PRIM2: variants seen among roughly 807,000 people sequenced by gnomAD.
The protein encoded by PRIM2 is DNA primase large subunit.
A neutral mutation model predicts 67.3 loss-of-function variants in PRIM2; 39 were observed. That is an observed-to-expected ratio of 0.58 (90% CI 0.45 to 0.76). PRIM2 has a LOEUF of 0.76. Ranked by LOEUF, PRIM2 falls within the 30% of genes least tolerant of loss-of-function variation. The pLI is 0.00. For synonymous variants in PRIM2, 143 were observed against 198.7 expected (o/e 0.72, Z 2.36); for missense variants, 398 against 598.7 (o/e 0.66, Z 3.50).
At chr6:57,360,927 G>A (rs1407058023) in intron 5 of PRIM2, among the ~76,000 whole-genome samples, 1 of 152,154 alleles carries the variant, frequency 6.6e-6, no homozygotes, top group African/African-American at 2.4e-5. Context: ...TAAAATGAAT[G>A]AACTGAGTGT....
chr6:57,241,076 T>A, the PRIM2 span, among the ~76,000 whole-genome samples: 9 of 151,450 alleles, frequency 5.9e-5, no homozygotes, highest in Non-Finnish European at 1.0e-4. Flanking sequence ...ATACAAAAAA[T>A]TAGCTGGCAT....
chr6:57,392,445 TATTAATCC>T (rs1770382917), intron 7 of PRIM2, among the ~76,000 whole-genome samples: 1 of 152,122 alleles, frequency 6.6e-6, no homozygotes, highest in Non-Finnish European at 1.5e-5. Context: ...ATTTATAGTT[TATTAATCC>T]ATCTGATTCT....
intron 7 of PRIM2, among the ~76,000 whole-genome samples, chr6:57,454,676 T>A (rs1269730681): frequency 3.3e-5 from 5 of 152,294 alleles, no homozygotes; most frequent in South Asian, 2.1e-4. Flanking sequence ...CTTCTCTCTT[T>A]TCTTCTTTAT....
rs1264401843 is a variant in PRIM2 at position 57,559,623 on chromosome 6, GT to G, written c.1020+21999del. On this transcript the variant is annotated intron_variant, in intron 10 of 13. Coordinates refer to ENST00000615550, the MANE Select transcript of PRIM2 (RefSeq NM_000947.5). The stretch of plus-strand genomic sequence containing the variant: ...TAGATCCTAGACAACATAGATGTAG[GT>G]ATTTAACATCGCTAAGGTGGTACTG... Among the ~76,000 whole-genome samples, 585 of 152,222 alleles carry G rather than the reference GT, an allele frequency of 3.8e-3. 1 individual carries two copies. Among genetic ancestry groups the G allele is most frequent in the Admixed American group, 6.1e-3 (94 of 15,288 alleles).
intron 10 of PRIM2, among the ~76,000 whole-genome samples, chr6:57,578,113 G>T (rs1192905246): frequency 1.3e-5 from 2 of 152,114 alleles, no homozygotes; most frequent in Non-Finnish European, 2.9e-5. Context: ...TTAGATTGAG[G>T]TCATGCATTT....
intron 7 of PRIM2, among the ~76,000 whole-genome samples, chr6:57,472,687 G>A: frequency 6.6e-6 from 1 of 152,236 alleles, no homozygotes; most frequent in Non-Finnish European, 1.5e-5. Flanking sequence ...ATGAAATCTT[G>A]GAATGTTCAT....
the PRIM2 span, among the ~76,000 whole-genome samples, chr6:57,271,153 A>G: frequency 2.6e-5 from 4 of 152,176 alleles, no homozygotes; most frequent in Non-Finnish European, 5.9e-5. Context: ...AAAATGAGTT[A>G]GGGAGGATTC....
In PRIM2 at chr6:57,535,718, A is replaced by T. The variant is rs1267116997; in HGVS notation, c.835-1722A>T. Among the ~76,000 whole-genome samples the T allele has an allele frequency of 4.6e-5, 7 of 152,094 alleles. No individual in the cohort carries two copies. In the East Asian group the frequency reaches 1.3e-3, roughly 29 times the overall value. ...TGTCTCTACTACAAATACCAAAATC[A>T]GCTGGGCATGTTGGCAGGCACCTGT... On this transcript the variant is annotated intron_variant, in intron 9 of 13. Coordinates refer to ENST00000615550, the MANE Select transcript of PRIM2 (RefSeq NM_000947.5).
chr6:57,273,455 T>G, the PRIM2 span, among the ~76,000 whole-genome samples: 1 of 152,248 alleles, frequency 6.6e-6, no homozygotes, highest in Non-Finnish European at 1.5e-5. Flanking sequence ...ACATAGTTCT[T>G]GTGCCTTGGT....
chr6:57,562,372 C>T (rs1320940151), intron 10 of PRIM2, among the ~76,000 whole-genome samples: 4 of 152,066 alleles, frequency 2.6e-5, no homozygotes, highest in African/African-American at 4.8e-5. Context: ...ATGAAATGGG[C>T]ACAATAAGAT....
chr6:57,448,422 C>T (rs1363220224), intron 7 of PRIM2, among the ~76,000 whole-genome samples: 1 of 152,180 alleles, frequency 6.6e-6, no homozygotes, highest in East Asian at 1.9e-4. Flanking sequence ...CTCTGTAATA[C>T]ATTTTAAAGA....
chr6:57,414,930 A>G (rs1771207938), intron 7 of PRIM2, among the ~76,000 whole-genome samples: 1 of 152,148 alleles, frequency 6.6e-6, no homozygotes, highest in African/African-American at 2.4e-5. Context: ...AGTATTTTTC[A>G]AGTAATTAAA....
chr6:57,456,776 CT>C (rs1554341866), intron 7 of PRIM2, among the ~76,000 whole-genome samples: 7 of 152,222 alleles, frequency 4.6e-5, no homozygotes. Flanking sequence ...CTGAAGCCTT[CT>C]TTTCTCAACT....
intron 7 of PRIM2, among the ~76,000 whole-genome samples, chr6:57,399,631 G>A (rs982344789): frequency 1.3e-5 from 2 of 152,174 alleles, no homozygotes; most frequent in Admixed American, 6.5e-5. Context: ...CTTTCACAAT[G>A]GTTGAACTAG....
intron 5 of PRIM2, among the ~76,000 whole-genome samples, chr6:57,358,093 A>G (rs9396282): frequency 0.46 from 70,181 of 151,008 alleles, 16,126 homozygotes; most frequent in South Asian, 0.56. Context: ...TCCCCAGAAG[A>G]TACATTACTT....
At chr6:57,464,867 A>G (rs1215883102) in intron 7 of PRIM2, among the ~76,000 whole-genome samples, 2 of 152,178 alleles carry the variant, frequency 1.3e-5, no homozygotes, top group African/African-American at 4.8e-5. Context: ...ATTTAATCTT[A>G]ACAGTATACT....
chr6:57,241,565 C>T, the PRIM2 span, among the ~76,000 whole-genome samples: 1 of 150,632 alleles, frequency 6.6e-6, no homozygotes, highest in Non-Finnish European at 1.5e-5. Flanking sequence ...ATAGAAATGG[C>T]TGTAAATACC....
intron 7 of PRIM2, among the ~76,000 whole-genome samples, chr6:57,390,579 C>A (rs1384088637): frequency 6.6e-6 from 1 of 152,084 alleles, no homozygotes; most frequent in African/African-American, 2.4e-5. Flanking sequence ...GTCTGTTGTT[C>A]TTTTCTGTGT....
intron 10 of PRIM2, among the ~76,000 whole-genome samples, chr6:57,568,802 T>C (rs1775800215): frequency 6.6e-6 from 1 of 152,216 alleles, no homozygotes; most frequent in Non-Finnish European, 1.5e-5. Flanking sequence ...CTATGCTGGT[T>C]AAAGCCTGAG....
Sources: allele counts gnomAD v4.1 joint callset (sites outside exome capture counted in the v4.1 genomes callset), GRCh38; gene constraint gnomAD v4.1.1; transcripts MANE v1.5; gene names NCBI Gene and HGNC (gene_info 2026-07-23, HGNC 2026-07-21).